The following CACNA1E variants were observed in gnomAD, a reference collection of about 807,000 sequenced individuals.
The protein encoded by CACNA1E is calcium voltage-gated channel subunit alpha1 E.
CACNA1E carries 40 observed loss-of-function variants against 259.2 expected under a neutral mutation model. The ratio of observed to expected loss-of-function variants is 0.15; its 90% confidence interval spans 0.12 to 0.20. The LOEUF is 0.20. Ranked by LOEUF, CACNA1E falls within the 10% of genes least tolerant of loss-of-function variation. The pLI, the probability that CACNA1E is intolerant of heterozygous loss-of-function variation, is 1.00. For missense variants in CACNA1E, 1,874 were observed against 3,040.1 expected, an observed-to-expected ratio of 0.62 and a Z score of 9.02; for synonymous variants, 1,104 against 1,138.5, an observed-to-expected ratio of 0.97 and a Z score of 0.61.
intron 7 of CACNA1E, among the ~76,000 whole-genome samples, chr1:181,691,847 G>A (rs1464752209): frequency 1.3e-5 from 2 of 151,894 alleles, no homozygotes; most frequent in African/African-American, 4.8e-5. Flanking sequence ...AGAAATGAAA[G>A]GTATTCAAAT....
At chr1:181,731,117 G>A (rs746573404) in intron 18 of CACNA1E, 58 bp from the exon 19 acceptor site, 51 of 1,378,572 alleles carry the variant, frequency 3.7e-5, no homozygotes, top group Non-Finnish European at 5.2e-5. Flanking sequence ...TGGTGGCTGT[G>A]GGGCTTGAGG....
chr1:181,564,042 C>G (rs1347161395), intron 3 of CACNA1E, among the ~76,000 whole-genome samples: 1 of 152,178 alleles, frequency 6.6e-6, no homozygotes, highest in African/African-American at 2.4e-5. Flanking sequence ...AATCTTTTTG[C>G]TCCTGGTAGA....
intron 6 of CACNA1E, among the ~76,000 whole-genome samples, chr1:181,650,907 AC>A (rs1274448184): frequency 1.3e-5 from 2 of 152,150 alleles, no homozygotes; most frequent in Non-Finnish European, 2.9e-5. Flanking sequence ...CTTCCAAATA[AC>A]CCTGTCAAGG....
intron 6 of CACNA1E, among the ~76,000 whole-genome samples, chr1:181,610,972 A>T (rs1654704305): frequency 6.6e-6 from 1 of 152,198 alleles, no homozygotes; most frequent in Non-Finnish European, 1.5e-5. Flanking sequence ...GGGAAACAGA[A>T]GAGTTAATAA....
intron 18 of CACNA1E, among the ~76,000 whole-genome samples, chr1:181,728,481 G>T (rs973848716): frequency 1.2e-4 from 18 of 152,232 alleles, no homozygotes; most frequent in Non-Finnish European, 2.2e-4. Flanking sequence ...GGCGTTGCTG[G>T]TGTGAGCCAC....
chr1:181,493,397 A>C (rs1410598394), intron 1 of CACNA1E, among the ~76,000 whole-genome samples: 1 of 152,224 alleles, frequency 6.6e-6, no homozygotes, highest in Non-Finnish European at 1.5e-5. Context: ...CATGAATTCA[A>C]TACAGAAACT....
intron 1 of CACNA1E, among the ~76,000 whole-genome samples, chr1:181,331,433 G>A (rs538954578): frequency 1.3e-5 from 2 of 152,266 alleles, no homozygotes; most frequent in South Asian, 4.1e-4. Context: ...CCAAAGAGTG[G>A]AGAGCCCTGA....
At chr1:181,665,155 A>G (rs570128088) in intron 7 of CACNA1E, among the ~76,000 whole-genome samples, 116 of 51,308 alleles carry the variant, frequency 2.3e-3, no homozygotes, top group Admixed American at 8.7e-3. Flanking sequence ...CTATATACCT[A>G]TACACACACA....
intron 3 of CACNA1E, among the ~76,000 whole-genome samples, chr1:181,571,899 C>T (rs558427385): frequency 6.6e-6 from 1 of 152,186 alleles, no homozygotes; most frequent in East Asian, 1.9e-4. Context: ...AGCTCTTTAT[C>T]TGGTGTTTTC....
intron 3 of CACNA1E, among the ~76,000 whole-genome samples, chr1:181,568,040 A>G (rs994267674): frequency 6.6e-6 from 1 of 152,174 alleles, no homozygotes; most frequent in Non-Finnish European, 1.5e-5. Flanking sequence ...CTTGAAAATC[A>G]CCACTTTATA....
intron 7 of CACNA1E, among the ~76,000 whole-genome samples, chr1:181,704,638 A>G (rs1572651308): frequency 6.6e-6 from 1 of 152,222 alleles, no homozygotes; most frequent in East Asian, 1.9e-4. Flanking sequence ...GTGTGTTTCC[A>G]TGCCAATGTG....
At chr1:181,318,129 C>G (rs1650036985) in intron 1 of CACNA1E, 2 of 152,028 alleles carry the variant, frequency 1.3e-5, no homozygotes, top group Admixed American at 1.3e-4. Flanking sequence ...TCAAGGTAAG[C>G]CCCGGGTTTT....
chr1:181,606,090 T>G (rs1300300037), intron 6 of CACNA1E, among the ~76,000 whole-genome samples: 5 of 152,164 alleles, frequency 3.3e-5, no homozygotes, highest in Non-Finnish European at 7.3e-5. Flanking sequence ...GGGCTCTCAT[T>G]TATTCTCACT....
intron 36 of CACNA1E, 81 bp from the exon 37 acceptor site, chr1:181,771,985 G>T: frequency 7.5e-7 from 1 of 1,328,158 alleles, no homozygotes; most frequent in Non-Finnish European, 1.1e-6. Context: ...GAGCGAGGAT[G>T]GGGAAATTGG....
chr1:181,696,405 T>C (rs986025948), intron 7 of CACNA1E, among the ~76,000 whole-genome samples: 1 of 152,216 alleles, frequency 6.6e-6, no homozygotes, highest in Non-Finnish European at 1.5e-5. Flanking sequence ...AATATAACAT[T>C]TTTCTGAGCA....
chr1:181,711,417 G>T (rs1308313258), intron 8 of CACNA1E, among the ~76,000 whole-genome samples: 2 of 152,184 alleles, frequency 1.3e-5, no homozygotes, highest in Non-Finnish European at 2.9e-5. Flanking sequence ...TTTATTGAGT[G>T]CCTACTTTGT....
chr1:181,701,339 T>G (rs892814129), intron 7 of CACNA1E, among the ~76,000 whole-genome samples: 1 of 152,186 alleles, frequency 6.6e-6, no homozygotes, highest in African/African-American at 2.4e-5. Context: ...TTTGTTCTGT[T>G]AGGATGCTTC....
upstream of CACNA1E, among the ~76,000 whole-genome samples, chr1:181,482,874 T>C (rs977615651): frequency 7.9e-5 from 12 of 152,254 alleles, no homozygotes; most frequent in Non-Finnish European, 1.3e-4. Flanking sequence ...CGCTGTTGCA[T>C]GCTGATCCGG....
intron 1 of CACNA1E, among the ~76,000 whole-genome samples, chr1:181,405,131 C>A (rs1657373602): frequency 6.6e-6 from 1 of 152,240 alleles, no homozygotes. Context: ...CTGTCCATAA[C>A]TTTACTGCAG....
Sources: gnomAD v4.1 joint callset for allele counts (sites outside exome capture counted in the v4.1 genomes callset) on GRCh38, gnomAD v4.1.1 for gene constraint, MANE v1.5 for transcripts, NCBI Gene and HGNC (gene_info 2026-07-23, HGNC 2026-07-21) for gene names.